Variants in REL observed in about 807,000 individuals in gnomAD.
REL encodes REL proto-oncogene, NF-kB subunit.
A neutral mutation model predicts 45.9 loss-of-function variants in REL; 15 were observed. That is an observed-to-expected ratio of 0.33 (90% CI 0.22 to 0.50). REL has a LOEUF of 0.50. Among genes scored for constraint, REL ranks in the 20% least tolerant of loss-of-function variants. The pLI is 0.98. For missense variants in REL, 601 were observed against 715.2 expected (o/e 0.84, Z 1.82); for synonymous variants, 239 against 242.1 (o/e 0.99, Z 0.12).
chr2:60,902,797 C>T (rs1185230935), intron 4 of REL, among the ~76,000 whole-genome samples: 2 of 152,084 alleles, frequency 1.3e-5, no homozygotes, highest in Non-Finnish European at 2.9e-5. Flanking sequence ...CCATGTTGCC[C>T]AGGCTGGTCT....
chr2:60,881,750 A>C lies in REL; in HGVS notation c.-91A>C, dbSNP rs921037270. 3 of 1,203,444 alleles carry C rather than the reference A, an allele frequency of 2.5e-6. No individual in the cohort carries two copies. Among genetic ancestry groups the C allele is most frequent in the Non-Finnish European group, 3.5e-6 (3 of 854,746 alleles). The allele number at this position is 1,203,444 out of a possible 1,614,324, so 74.5% of individuals were successfully genotyped here. ...TCGGGGGACTGGGGGCCCCGCCGGCAGAGGTCCCTCGGCCTCCTGACTGAC... is the reference window on the plus strand; with the variant it reads ...TCGGGGGACTGGGGGCCCCGCCGGCCGAGGTCCCTCGGCCTCCTGACTGAC... On this transcript the variant is annotated 5_prime_UTR_variant, in exon 1 of 10. Transcript: ENST00000394479.
intron 4 of REL, among the ~76,000 whole-genome samples, chr2:60,909,509 C>G (rs1175625304): frequency 6.6e-6 from 1 of 151,150 alleles, no homozygotes; most frequent in African/African-American, 2.4e-5. Context: ...CCAGGCTGGT[C>G]TTGAACTCCT....
intron 4 of REL, among the ~76,000 whole-genome samples, chr2:60,903,354 T>C (rs920761223): frequency 4.6e-5 from 7 of 152,160 alleles, no homozygotes; most frequent in Admixed American, 3.3e-4. Context: ...GAAGATGCTG[T>C]CTGTGGAATT....
Position 60,891,683 on chromosome 2 carries a change from G to A in REL, c.11G>A (p.Gly4Asp), listed in dbSNP as rs1673219478. The change falls in exon 2 of 10, where the codon GGT (glycine) becomes GAT (aspartate). Residue 4 changes from glycine (G) to aspartate (D), a missense_variant and splice_region_variant. This residue lies in a region of REL where 24 missense variants were observed against 18.2 expected (regional missense o/e 1.32). Transcript: ENST00000394479. MAS[G>D]AYNPYIEIIE... ...CTCCTCCTTTTTAAAAACTTTTCAG[G>A]TGCGTATAACCCGTATATAGAGATA... 4 of 1,597,382 alleles carry A rather than the reference G, an allele frequency of 2.5e-6. No homozygotes were observed. The highest frequency in any genetic ancestry group is 2.6e-6 in the Non-Finnish European group (3 of 1,171,302).
chr2:60,922,499 G>T lies in REL; in HGVS notation c.1728G>T (p.Leu576Phe). The change falls in exon 10 of 10, where the codon TTG becomes TTT. Residue 576 changes from leucine to phenylalanine, a missense_variant. Leu to Phe is a conservative substitution (Grantham distance 22). Coordinates refer to ENST00000394479, the MANE Select transcript of REL (RefSeq NM_001291746.2). ...TTGGCAGTATGCAAAATGAGCAATT[G>T]AGTGACTCCTTTCCATATGAATTTT... ...SGIGSMQNEQ[L>F]SDSFPYEFFQ... 1 of 1,608,766 alleles carries T rather than the reference G, an allele frequency of 6.2e-7. No individual in the cohort carries two copies. Among genetic ancestry groups the T allele is most frequent in the South Asian group, 1.1e-5 (1 of 89,886 alleles).
At chr2:60,900,724 T>C (rs932891328) in intron 3 of REL, 1 of 330,270 alleles carries the variant, frequency 3.0e-6, no homozygotes. Flanking sequence ...GGTTTCTCCA[T>C]GTTGATCAGG....
chr2:60,882,054 C>A (rs1265958761), intron 1 of REL, among the ~76,000 whole-genome samples: 1 of 152,174 alleles, frequency 6.6e-6, no homozygotes, highest in Non-Finnish European at 1.5e-5. Context: ...GTAATTCGAT[C>A]CTGTTGTCAT....
At chr2:60,883,676 T>A (rs1395087892) in intron 1 of REL, among the ~76,000 whole-genome samples, 1 of 152,172 alleles carries the variant, frequency 6.6e-6, no homozygotes, top group Non-Finnish European at 1.5e-5. Flanking sequence ...ACCATTTCTA[T>A]ATAGAGTATT....
intron 4 of REL, among the ~76,000 whole-genome samples, chr2:60,905,673 C>T (rs1247023233): frequency 1.3e-5 from 2 of 151,860 alleles, no homozygotes; most frequent in Non-Finnish European, 2.9e-5. Flanking sequence ...AAGGAGAGAC[C>T]GAGACAAGTT....
intron 1 of REL, 29 bp from the exon 2 acceptor site, chr2:60,891,654 T>C (rs777801384): frequency 6.4e-7 from 1 of 1,562,294 alleles, no homozygotes; most frequent in South Asian, 1.2e-5. Flanking sequence ...TTAATCTCAC[T>C]GACCTCCTCC....
rs539230308 is a variant in REL at position 60,924,662 on chromosome 2, C to T, written c.*2127C>T. 4.7e-6 allele frequency: 1 copy of T among 212,906 alleles called. No individual in the cohort carries two copies. Among genetic ancestry groups the T allele is most frequent in the East Asian group, 7.1e-5 (1 of 14,178 alleles). 13.2% of individuals were successfully genotyped at this position (212,906 alleles called of 1,614,324 possible). On this transcript the variant is annotated 3_prime_UTR_variant, in exon 10 of 10. Coordinates refer to ENST00000394479, the MANE Select transcript of REL (RefSeq NM_001291746.2). Reference sequence around the variant, plus strand: ...AACATTAGAGGTTCATTGAGAATCTCTAAATCCATGTTTTGACATTGTCAA... The same window carrying T: ...AACATTAGAGGTTCATTGAGAATCTTTAAATCCATGTTTTGACATTGTCAA...
chr2:60,929,160 G>C lies in REL; in HGVS notation c.*6625G>C, dbSNP rs1674333617. On this transcript the variant is annotated 3_prime_UTR_variant, in exon 10 of 10. Transcript: ENST00000394479. The stretch of plus-strand genomic sequence containing the variant: ...CAGTTAGAATGGCAATCATTAAAAA[G>C]TCAGGAGACAACAGGTGCTGGAGAG... 1 of 151,286 alleles carries C rather than the reference G, an allele frequency of 6.6e-6. No individual in the cohort carries two copies. The highest frequency in any genetic ancestry group is 2.1e-4 in the South Asian group (1 of 4,810). The allele number at this position is 151,286 out of a possible 1,614,324, so 9.4% of individuals were successfully genotyped here.
chr2:60,894,369 C>A (rs770608522), intron 2 of REL, 28 bp from the exon 3 acceptor site: 17 of 1,360,736 alleles, frequency 1.2e-5, no homozygotes, highest in Non-Finnish European at 1.6e-5. Context: ...CTATTTGGAT[C>A]ATGTATTTAA....
chr2:60,917,730 G>T (rs1030641194), intron 5 of REL, among the ~76,000 whole-genome samples: 2 of 150,576 alleles, frequency 1.3e-5, no homozygotes, highest in African/African-American at 4.9e-5. Context: ...GTGTGTGTGT[G>T]TACATAGACT....
At chr2:60,893,020 T>C (rs535330773) in intron 2 of REL, among the ~76,000 whole-genome samples, 25 of 152,356 alleles carry the variant, frequency 1.6e-4, no homozygotes, top group African/African-American at 5.5e-4. Context: ...CCCAAAGTGC[T>C]GAGATTATAG....
rs1180850632 is a variant in REL, at chr2:60,881,634, G to C, written c.-207G>C. 2 of 522,312 alleles carry C rather than the reference G, an allele frequency of 3.8e-6. No individual in the cohort carries two copies. Among genetic ancestry groups the C allele is most frequent in the East Asian group, 3.5e-5 (1 of 28,754 alleles). 32.4% of individuals were successfully genotyped at this position (522,312 alleles called of 1,614,324 possible). A position where few individuals can be genotyped will look rare whatever the true frequency, so the allele number is the denominator to read the frequency against. On this transcript the variant is annotated 5_prime_UTR_variant, in exon 1 of 10. Transcript: ENST00000394479. ...TCCCGTACGGTGGACGGCGACGCTG[G>C]GTGACCCGGGGTGCAAGAATTCAGG...
intron 1 of REL, among the ~76,000 whole-genome samples, chr2:60,885,322 A>G (rs1447746727): frequency 2.0e-5 from 3 of 152,188 alleles, no homozygotes; most frequent in African/African-American, 7.2e-5. Flanking sequence ...TTTTATTTTT[A>G]AAACAGAGGT....
chr2:60,894,396 G>T lies in REL; in HGVS notation c.154-1G>T. 6.7e-7 allele frequency: 1 copy of T among 1,493,760 alleles called. No homozygotes were observed. Among genetic ancestry groups the T allele is most frequent in the South Asian group, 1.3e-5 (1 of 77,400 alleles). The allele number at this position is 1,493,760 out of a possible 1,614,324, so 92.5% of individuals were successfully genotyped here. The stretch of plus-strand genomic sequence containing the variant: ...TGTATTTAATTTCCCCCTTTTTTCA[G>T]ATTATGAACTATTATGGAAAAGGAA... On this transcript the variant is annotated splice_acceptor_variant, in intron 2 of 9. Coordinates refer to ENST00000394479, the MANE Select transcript of REL (RefSeq NM_001291746.2). LOFTEE classifies it high-confidence loss of function.
At chr2:60,901,927 T>G (rs1462188842) in intron 4 of REL, among the ~76,000 whole-genome samples, 2 of 152,212 alleles carry the variant, frequency 1.3e-5, no homozygotes, top group South Asian at 2.1e-4. Flanking sequence ...CTTATGGTAC[T>G]ATCTGCCTCA....
Sources: gnomAD v4.1 joint callset for allele counts (sites outside exome capture counted in the v4.1 genomes callset) on GRCh38, gnomAD v4.1.1 for gene constraint, gnomAD v4.1.1 regional missense constraint, MANE v1.5 for transcripts, NCBI Gene and HGNC (gene_info 2026-07-23, HGNC 2026-07-21) for gene names.